Variants in TRIM7 observed in about 807,000 individuals in gnomAD.
TRIM7 encodes tripartite motif containing 7, also known as E3 ubiquitin-protein ligase TRIM7.
TRIM7 carries 32 observed loss-of-function variants against 37.9 expected under a neutral mutation model. The ratio of observed to expected loss-of-function variants is 0.84; its 90% confidence interval spans 0.64 to 1.13. The LOEUF (loss-of-function observed/expected upper bound fraction) is 1.13, where lower values mean the gene tolerates loss of function less well. Ranked by LOEUF, TRIM7 falls within the 50% of genes most tolerant of loss-of-function variation. TRIM7 has a pLI of 0.00. For missense variants in TRIM7, 732 were observed against 714.0 expected, an observed-to-expected ratio of 1.03 and a Z score of -0.29; for synonymous variants, 351 against 321.3, an observed-to-expected ratio of 1.09 and a Z score of -0.99.
At chr5:181,204,477 G>T in intron 1 of TRIM7, 112 bp downstream of exon 1, 1 of 1,197,800 alleles carries the variant, frequency 8.3e-7, no homozygotes, top group Non-Finnish European at 1.1e-6. Flanking sequence ...GAAGGGAGGG[G>T]CTCACCCGGG....
At chr5:181,203,789 A>G in intron 1 of TRIM7, 149 bp from the exon 2 acceptor site, 1 of 1,411,912 alleles carries the variant, frequency 7.1e-7, no homozygotes, top group South Asian at 1.6e-5. Flanking sequence ...GCTACAGGTT[A>G]CACTGCGAGG....
At chr5:181,204,548 G>A (rs1463532779) in intron 1 of TRIM7, 41 bp downstream of exon 1, 1 of 1,328,390 alleles carries the variant, frequency 7.5e-7, no homozygotes, top group Admixed American at 3.7e-5. Context: ...CCAAGTCAGG[G>A]GGTCCCGGGG....
chr5:181,199,710 A>T, intron 3 of TRIM7, 141 bp downstream of exon 3: 1 of 1,386,216 alleles, frequency 7.2e-7, no homozygotes, highest in Non-Finnish European at 9.5e-7. Context: ...ACCCCAGGAA[A>T]ATCAGGGCAC....
chr5:181,198,721 A>G lies in TRIM7; in HGVS notation c.957T>C (p.Phe319=), dbSNP rs202093181. The part of the protein sequence containing the change: ...NKVWNVSLKT[F]VLKGMLKKFK... The stretch of plus-strand genomic sequence containing the variant: ...ACTTCTTCAGCATCCCTTTTAAGAC[A>G]AAGGTCTTGAGAGAAACATTCCAGA... The change falls in exon 5 of 7, where the codon TTT becomes TTC. Residue 319 remains phenylalanine, a synonymous_variant. Transcript: ENST00000274773. 47 of 1,613,952 alleles carry G rather than the reference A, an allele frequency of 2.9e-5. No individual in the cohort carries two copies. The highest frequency in any genetic ancestry group is 3.7e-5 in the Non-Finnish European group (44 of 1,179,958).
intron 2 of TRIM7, among the ~76,000 whole-genome samples, chr5:181,201,757 C>T (rs554542110): frequency 3.9e-5 from 6 of 152,216 alleles, no homozygotes; most frequent in South Asian, 4.2e-4. Context: ...ACAACAAAAA[C>T]GAATGTGGGG....
chr5:181,198,957 G>T (rs933255968), intron 4 of TRIM7, 138 bp downstream of exon 4: 1 of 1,272,698 alleles, frequency 7.9e-7, no homozygotes. Flanking sequence ...GCAGGTGGGC[G>T]TTTGTCTCGG....
rs1757067753 is a variant in TRIM7, at chr5:181,195,667, G to C, written c.1035C>G (p.Thr345=). The C allele has an allele frequency of 2.0e-6, 3 of 1,524,516 alleles. No homozygotes were observed. The highest frequency in any genetic ancestry group is 1.4e-5 in the African/African-American group (1 of 72,006). The allele number at this position is 1,524,516 out of a possible 1,614,324, so 94.4% of individuals were successfully genotyped here. Reference sequence around the variant, plus strand: ...GCGGGTTGGCCGTGTCGGGATCCAAGGTGAGCTCCACTGCAGACAGAGACA... The same window carrying C: ...GCGGGTTGGCCGTGTCGGGATCCAACGTGAGCTCCACTGCAGACAGAGACA... ...ELEKEEKVEL[T]LDPDTANPRL... The change falls in exon 7 of 7, where the codon ACC becomes ACG. Residue 345 remains threonine, a synonymous_variant. Coordinates refer to ENST00000274773, the MANE Select transcript of TRIM7 (RefSeq NM_203293.3).
rs767501827 is a variant in TRIM7 at position 181,203,580 on chromosome 5, G to C, written c.583C>G (p.Arg195Gly). 6 of 1,614,024 alleles carry C rather than the reference G, an allele frequency of 3.7e-6. No homozygotes were observed. Among genetic ancestry groups the C allele is most frequent in the South Asian group, 2.2e-5 (2 of 91,066 alleles). Residue 195 changes from arginine (R) to glycine (G), a missense_variant, in exon 2 of 7, where the codon CGG becomes GGG. By Grantham distance (125) the Arg-to-Gly change is moderately radical. Transcript: ENST00000274773. The part of the protein sequence containing the change: ...KKELEDCEVF[R>G]STEKKESKEL... ...TTGCTCTCCTTCTTTTCCGTGGACC[G>C]GAACACCTCACAGTCCTCCAGTTCC...
chr5:181,198,690 C>A lies in TRIM7; in HGVS notation c.988G>T (p.Glu330Ter). 6.2e-7 allele frequency: 1 copy of A among 1,612,024 alleles called. No homozygotes were observed. The highest frequency in any genetic ancestry group is 1.1e-5 in the South Asian group (1 of 90,954). The change falls in exon 5 of 7, where the codon GAG becomes TAG. Residue 330 changes from glutamate to a stop codon, truncating the protein, a stop_gained and splice_region_variant. Coordinates refer to ENST00000274773, the MANE Select transcript of TRIM7 (RefSeq NM_203293.3). LOFTEE classifies it low-confidence loss of function (END_TRUNC). ...VLKGMLKKFK[E>*]DLRGELEKEE... ...CCCAGCTTGGCGCCCAGGCCCCTAC[C>A]TTTGAACTTCTTCAGCATCCCTTTT...
intron 4 of TRIM7, 53 bp downstream of exon 4, chr5:181,199,042 T>C: frequency 6.2e-7 from 1 of 1,610,250 alleles, no homozygotes; most frequent in Admixed American, 1.7e-5. Context: ...CAAGGCTCAG[T>C]GAAAAGGGAA....
chr5:181,204,094 G>A (rs1237879926), intron 1 of TRIM7: 2 of 998,976 alleles, frequency 2.0e-6, no homozygotes, highest in South Asian at 9.1e-5. Flanking sequence ...CAGTCAGACG[G>A]CTCTAGGTGC....
At chr5:181,200,172 G>C in intron 2 of TRIM7, 91 bp from the exon 3 acceptor site, 1 of 1,606,734 alleles carries the variant, frequency 6.2e-7, no homozygotes, top group Non-Finnish European at 8.5e-7. Flanking sequence ...GCAAGGCTTC[G>C]TCCCTGTCAC....
At chr5:181,204,536 G>A in intron 1 of TRIM7, 53 bp downstream of exon 1, 6 of 1,306,622 alleles carry the variant, frequency 4.6e-6, no homozygotes, top group Non-Finnish European at 5.8e-6. Flanking sequence ...GGGAGCGCGG[G>A]ACCAAGTCAG....
In TRIM7 at chr5:181,195,023, CG is replaced by C. The variant is rs964398096; in HGVS notation, c.*142del. On this transcript the variant is annotated 3_prime_UTR_variant, in exon 7 of 7. Coordinates refer to ENST00000274773, the MANE Select transcript of TRIM7 (RefSeq NM_203293.3). ...GTTGGCCACAGTCACTCTCCTGCCTCGGGGTTGTGTCTGTAGCAGGCTCTCT... is the reference window on the plus strand; with the variant it reads ...GTTGGCCACAGTCACTCTCCTGCCTCGGGTTGTGTCTGTAGCAGGCTCTCT... The C allele has an allele frequency of 9.5e-7, 1 of 1,051,878 alleles. No individual in the cohort carries two copies. Among genetic ancestry groups the C allele is most frequent in the African/African-American group, 1.6e-5 (1 of 61,528 alleles). The allele number at this position is 1,051,878 out of a possible 1,614,324, so 65.2% of individuals were successfully genotyped here.
Position 181,204,743 on chromosome 5 carries a change from G to A in TRIM7, c.368C>T (p.Ala123Val). The change falls in exon 1 of 7, where the codon GCC becomes GTC. Residue 123 changes from alanine to valine, a missense_variant. By Grantham distance (64) the Ala-to-Val change is moderately conservative (BLOSUM62 0). Coordinates refer to ENST00000274773, the MANE Select transcript of TRIM7 (RefSeq NM_203293.3). ...PGEHGSQAAA[A>V]RAAAARCGQH... ...CCCGCAGCGGGCAGCCGCTGCCCGGGCCGCGGCCGCCTGAGACCCGTGCTC... is the reference window on the plus strand; with the variant it reads ...CCCGCAGCGGGCAGCCGCTGCCCGGACCGCGGCCGCCTGAGACCCGTGCTC... 2 of 1,460,036 alleles carry A rather than the reference G, an allele frequency of 1.4e-6. No homozygotes were observed. The highest frequency in any genetic ancestry group is 5.9e-5 in the East Asian group (2 of 33,678). The allele number at this position is 1,460,036 out of a possible 1,614,324, so 90.4% of individuals were successfully genotyped here. A position where few individuals can be genotyped will look rare whatever the true frequency, so the allele number is the denominator to read the frequency against.
At chr5:181,204,219 G>A (rs1051571489) in intron 1 of TRIM7, 7 of 1,034,854 alleles carry the variant, frequency 6.8e-6, no homozygotes, top group South Asian at 9.1e-5. Context: ...AAGAGTGGGG[G>A]CAGCGGCTGC....
At chr5:181,197,590 T>A (rs2770938) in intron 6 of TRIM7, 22,616 of 154,566 alleles carry the variant, frequency 0.15, 4,950 homozygotes, top group African/African-American at 0.49. Context: ...CCTTGAGACC[T>A]CCATGGGGAC....
chr5:181,201,226 C>G (rs1203449444), intron 2 of TRIM7, among the ~76,000 whole-genome samples: 5 of 152,230 alleles, frequency 3.3e-5, no homozygotes, highest in Non-Finnish European at 7.3e-5. Flanking sequence ...TTAGCCGCCC[C>G]TCTGGCCTCT....
chr5:181,200,797 A>G (rs1249847082), intron 2 of TRIM7: 2 of 985,652 alleles, frequency 2.0e-6, no homozygotes, highest in South Asian at 9.4e-5. Context: ...TTGGCACTCA[A>G]TATGTCCCAC....
Sources: allele counts gnomAD v4.1 joint callset (sites outside exome capture counted in the v4.1 genomes callset), GRCh38; gene constraint gnomAD v4.1.1; transcripts MANE v1.5; gene names NCBI Gene and HGNC (gene_info 2026-07-23, HGNC 2026-07-21).